Variants in ADRA1A observed in about 807,000 individuals in gnomAD.
ADRA1A encodes the protein adrenoceptor alpha 1A.
Under a neutral mutation model 29.6 loss-of-function variants are expected in ADRA1A, and 31 were observed. The observed-to-expected ratio is 1.05, with a 90% CI of 0.79 to 1.41. The LOEUF is 1.41. Ranked by LOEUF, ADRA1A falls within the 40% of genes most tolerant of loss-of-function variation. ADRA1A has a pLI of 0.00. For synonymous variants in ADRA1A, 311 were observed against 254.3 expected (o/e 1.22, Z -2.12); for missense variants, 619 against 601.1 (o/e 1.03, Z -0.31).
At chr8:26,798,124 G>A (rs773514290) in intron 2 of ADRA1A, among the ~76,000 whole-genome samples, 1 of 152,284 alleles carries the variant, frequency 6.6e-6, no homozygotes, top group Non-Finnish European at 1.5e-5. Context: ...GATTACAGGT[G>A]CTTGCCACCA....
Position 26,769,920 on chromosome 8 carries a change from G to T in ADRA1A, c.*229C>A. 1 of 1,272,234 alleles carries T rather than the reference G, an allele frequency of 7.9e-7. No individual in the cohort carries two copies. The highest frequency in any genetic ancestry group is 9.9e-7 in the Non-Finnish European group (1 of 1,011,330). The allele number at this position is 1,272,234 out of a possible 1,614,324, so 78.8% of individuals were successfully genotyped here. ...CAGAGTGACCAAGAAAGCATTAGCTGCAGGGAAATGCTGTTCCGTATCATT... is the reference window on the plus strand; with the variant it reads ...CAGAGTGACCAAGAAAGCATTAGCTTCAGGGAAATGCTGTTCCGTATCATT... On this transcript the variant is annotated 3_prime_UTR_variant, in exon 3 of 3. Transcript: ENST00000380573.
rs532548134 is a variant in ADRA1A, at chr8:26,806,027, C to T, written c.884-35361G>A. On this transcript the variant is annotated intron_variant, in intron 2 of 2. Coordinates refer to ENST00000380573, the MANE Select transcript of ADRA1A (RefSeq NM_000680.4). The surrounding 1 kb of genome is among the most constrained non-coding windows in gnomAD (Gnocchi z 4.6). ...CCTTTTCTAGGACATTCCCTGAGGCCACTTGTGGCAGCCGCCAATGTGCTT... is the reference window on the plus strand; with the variant it reads ...CCTTTTCTAGGACATTCCCTGAGGCTACTTGTGGCAGCCGCCAATGTGCTT... Among the ~76,000 whole-genome samples, 1 of 152,284 alleles carries T rather than the reference C, an allele frequency of 6.6e-6. No individual in the cohort carries two copies. Among genetic ancestry groups the T allele is most frequent in the Non-Finnish European group, 1.5e-5 (1 of 68,030 alleles).
intron 2 of ADRA1A, among the ~76,000 whole-genome samples, chr8:26,829,337 G>T: frequency 6.6e-6 from 1 of 152,054 alleles, no homozygotes; most frequent in Non-Finnish European, 1.5e-5. Context: ...AACTGCCCTG[G>T]GAAAGGAACA....
intron 2 of ADRA1A, among the ~76,000 whole-genome samples, chr8:26,858,033 T>C (rs1813173828): frequency 6.6e-6 from 1 of 152,214 alleles, no homozygotes; most frequent in Non-Finnish European, 1.5e-5. Context: ...CTCTGCCTCA[T>C]TGCCTCCACC....
rs1394250371 is a variant in ADRA1A, at chr8:26,835,628, T to C, written c.883+28459A>G. 2.0e-5 allele frequency among the ~76,000 whole-genome samples: 3 copies of C among 152,246 alleles called. No homozygotes were observed. The East Asian group carries it at 5.8e-4, about 29-fold the overall frequency. On this transcript the variant is annotated intron_variant, in intron 2 of 2. Transcript: ENST00000380573. ...GGGGAAACTGCCCCCACGATTCAAT[T>C]ACCTTCCACTTGTCCCTCCCACGAC... is the stretch of plus-strand genomic sequence containing the variant.
At chr8:26,846,944 T>G (rs1445396320) in intron 2 of ADRA1A, among the ~76,000 whole-genome samples, 1 of 152,114 alleles carries the variant, frequency 6.6e-6, no homozygotes, top group Admixed American at 6.5e-5. Flanking sequence ...TTGGAAATCA[T>G]CATTCTCAGG....
intron 2 of ADRA1A, among the ~76,000 whole-genome samples, chr8:26,858,503 A>T (rs572704811): frequency 8.1e-4 from 123 of 152,276 alleles, no homozygotes; most frequent in African/African-American, 2.7e-3. Context: ...CCTATATAAC[A>T]TCCCCTGTTA....
chr8:26,789,041 G>A (rs913520786), intron 2 of ADRA1A, among the ~76,000 whole-genome samples: 8 of 152,026 alleles, frequency 5.3e-5, no homozygotes, highest in African/African-American at 9.7e-5. Flanking sequence ...GCACCAACAC[G>A]TCATCCAGGT....
rs913278621 is a variant in ADRA1A at position 26,769,295 on chromosome 8, C to A, written c.*854G>T. On this transcript the variant is annotated 3_prime_UTR_variant, in exon 3 of 3. Transcript: ENST00000380573. ...CTTTGCAAGAAATTAACAGCCACAC[C>A]AACCTCTTGCTCTTTAAAGATATTA... is the stretch of plus-strand genomic sequence containing the variant. 5 of 985,352 alleles carry A rather than the reference C, an allele frequency of 5.1e-6. No individual in the cohort carries two copies. Among genetic ancestry groups the A allele is most frequent in the South Asian group, 4.7e-5 (1 of 21,286 alleles). 61.0% of individuals were successfully genotyped at this position (985,352 alleles called of 1,614,324 possible).
At chr8:26,862,025 C>T (rs1269076094) in intron 2 of ADRA1A, among the ~76,000 whole-genome samples, 2 of 152,118 alleles carry the variant, frequency 1.3e-5, no homozygotes, top group African/African-American at 4.8e-5. Flanking sequence ...TGCTAAACAC[C>T]CTTGAATGAC....
At chr8:26,779,352 C>T (rs1250208030) in intron 2 of ADRA1A, 2 of 702,892 alleles carry the variant, frequency 2.8e-6, no homozygotes, top group Admixed American at 4.0e-5. Context: ...CACCTCCAAC[C>T]CCAGCACTGC....
At position 26,865,062 on chromosome 8, in the gene ADRA1A, T is replaced by A; in HGVS notation, c.-93A>T. On this transcript the variant is annotated 5_prime_UTR_variant, in exon 2 of 3. Coordinates refer to ENST00000380573, the MANE Select transcript of ADRA1A (RefSeq NM_000680.4). This position sits in a 1 kb window ranked among gnomAD's most constrained non-coding sequence, Gnocchi z 7.6. Reference sequence around the variant, plus strand: ...AGCGCGGGAGCCGGGAATCAAAAGGTCTCGGCTGGAGGGAGCCCTGCCAGG... The same window carrying A: ...AGCGCGGGAGCCGGGAATCAAAAGGACTCGGCTGGAGGGAGCCCTGCCAGG... 6.6e-7 allele frequency: 1 copy of A among 1,514,348 alleles called. No homozygotes were observed. The highest frequency in any genetic ancestry group is 2.3e-5 in the East Asian group (1 of 44,222). The allele number at this position is 1,514,348 out of a possible 1,614,324, so 93.8% of individuals were successfully genotyped here.
Position 26,774,182 on chromosome 8 carries a change from C to G in ADRA1A, c.884-3516G>C, listed in dbSNP as rs146861382. ...TGTGTGTAAGCCTAGCACGGATTTG[C>G]ATGCTCCCAAACTGATAGTTCCACC... On this transcript the variant is annotated intron_variant, in intron 2 of 2. Transcript: ENST00000380573. Among the ~76,000 whole-genome samples the G allele has an allele frequency of 2.8e-3, 425 of 152,282 alleles. 2 individuals are homozygous for G. The highest frequency in any genetic ancestry group is 9.5e-3 in the African/African-American group (393 of 41,560).
intron 2 of ADRA1A, among the ~76,000 whole-genome samples, chr8:26,849,554 A>G (rs751691206): frequency 1.3e-5 from 2 of 152,240 alleles, no homozygotes; most frequent in Non-Finnish European, 2.9e-5. Context: ...ACTCTGGCAG[A>G]TTCGAATCAC....
chr8:26,798,487 C>T (rs1310969955), intron 2 of ADRA1A, among the ~76,000 whole-genome samples: 1 of 152,170 alleles, frequency 6.6e-6, no homozygotes, highest in Non-Finnish European at 1.5e-5. Flanking sequence ...CTCTCACCTA[C>T]CTCCTGCTTA....
In ADRA1A at chr8:26,804,542, T is replaced by C. The variant is rs367582396; in HGVS notation, c.884-33876A>G. ...TTGTAGGAGTCTAGAAATTGCAAGATAATCTACAGTGATGGTAAACAGATC... is the reference window on the plus strand; with the variant it reads ...TTGTAGGAGTCTAGAAATTGCAAGACAATCTACAGTGATGGTAAACAGATC... On this transcript the variant is annotated intron_variant, in intron 2 of 2. Coordinates refer to ENST00000380573, the MANE Select transcript of ADRA1A (RefSeq NM_000680.4). Among the ~76,000 whole-genome samples the C allele has an allele frequency of 3.9e-5, 6 of 152,342 alleles. No homozygotes were observed. The East Asian group carries it at 7.7e-4, about 20-fold the overall frequency.
At chr8:26,790,995 C>G (rs1807776757) in intron 2 of ADRA1A, among the ~76,000 whole-genome samples, 1 of 152,130 alleles carries the variant, frequency 6.6e-6, no homozygotes, top group Non-Finnish European at 1.5e-5. Flanking sequence ...TGTACACACA[C>G]ATACACACAC....
intron 2 of ADRA1A, among the ~76,000 whole-genome samples, chr8:26,784,321 G>T (rs905100753): frequency 6.6e-6 from 1 of 152,138 alleles, no homozygotes; most frequent in Non-Finnish European, 1.5e-5. Flanking sequence ...TCCCGCTGTC[G>T]GGATTCCCCT....
intron 2 of ADRA1A, chr8:26,771,960 G>A (rs550777415): frequency 3.1e-4 from 47 of 152,862 alleles, no homozygotes; most frequent in Non-Finnish European, 2.6e-4. Flanking sequence ...TCAACTTCGG[G>A]AGCCTCCTCT....
Sources: allele counts gnomAD v4.1 joint callset (sites outside exome capture counted in the v4.1 genomes callset), GRCh38; gene constraint gnomAD v4.1.1; non-coding constraint Gnocchi (gnomAD v3.1); transcripts MANE v1.5; gene names NCBI Gene and HGNC (gene_info 2026-07-23, HGNC 2026-07-21).